DYNC2H1: variants seen among roughly 807,000 people sequenced by gnomAD.
The protein encoded by DYNC2H1 is dynein cytoplasmic 2 heavy chain 1.
DYNC2H1 carries 410 observed loss-of-function variants against 570.0 expected under a neutral mutation model. The observed-to-expected ratio is 0.72, with a 90% CI of 0.66 to 0.78. The LOEUF (loss-of-function observed/expected upper bound fraction) is 0.78, where lower values mean the gene tolerates loss of function less well. Ranked by LOEUF, DYNC2H1 falls within the 30% of genes least tolerant of loss-of-function variation. The probability of loss-of-function intolerance (pLI) is 0.00; values close to 1 mark genes in which losing one functional copy is unlikely to be tolerated. For missense variants in DYNC2H1, 4,865 were observed against 5,046.4 expected (o/e 0.96, Z 1.09); for synonymous variants, 1,688 against 1,677.6 (o/e 1.01, Z -0.15).
At chr11:103,418,408 ATAT>A (rs1404840727) in intron 84 of DYNC2H1, among the ~76,000 whole-genome samples, 2 of 152,256 alleles carry the variant, frequency 1.3e-5, no homozygotes, top group African/African-American at 2.4e-5. Context: ...AAATTTAAAA[ATAT>A]TATGTGCATT....
rs564505460 is a variant in DYNC2H1, at chr11:103,184,133, C to T, written c.6478-763C>T. 1.2e-4 allele frequency among the ~76,000 whole-genome samples: 18 copies of T among 151,936 alleles called. No individual in the cohort carries two copies. In the South Asian group the frequency reaches 2.1e-3, roughly 18 times the overall value. ...AAATGTCACCTTTTTTTAAAGAAGC[C>T]GTGAGCCCTCAATCTGAGTTACTGT... On this transcript the variant is annotated intron_variant, in intron 40 of 88. Coordinates refer to ENST00000375735, the MANE Select transcript of DYNC2H1 (RefSeq NM_001377.3).
At chr11:103,215,141 G>T (rs1257755211) in intron 54 of DYNC2H1, among the ~76,000 whole-genome samples, 2 of 152,146 alleles carry the variant, frequency 1.3e-5, no homozygotes, top group Middle Eastern at 3.4e-3. Context: ...GATGTCTTTT[G>T]TTTCTTTCTC....
chr11:103,154,371 C>T lies in DYNC2H1; in HGVS notation c.3303-80C>T, dbSNP rs375188461. On this transcript the variant is annotated intron_variant, in intron 22 of 88. Transcript: ENST00000375735. ...TGTGTGTACACACATACAAGGATTG[C>T]AGTTAAGTAACTTAATGATACTTAA... 1.2e-5 allele frequency: 15 copies of T among 1,245,566 alleles called. No homozygotes were observed. In the East Asian group the frequency reaches 3.4e-4, roughly 29 times the overall value. 77.2% of individuals were successfully genotyped at this position (1,245,566 alleles called of 1,614,324 possible). A position where few individuals can be genotyped will look rare whatever the true frequency, so the allele number is the denominator to read the frequency against.
At chr11:103,383,283 G>A (rs982812260) in intron 83 of DYNC2H1, among the ~76,000 whole-genome samples, 4 of 152,042 alleles carry the variant, frequency 2.6e-5, no homozygotes, top group Admixed American at 6.6e-5. Context: ...AACCTAATAG[G>A]ACATCATCTG....
chr11:103,352,846 T>G (rs774208331), intron 82 of DYNC2H1, among the ~76,000 whole-genome samples: 6 of 152,176 alleles, frequency 3.9e-5, no homozygotes, highest in Non-Finnish European at 5.9e-5. Flanking sequence ...GATACATGCA[T>G]GCATATATTT....
At chr11:103,196,805 T>C (rs1862523770) in intron 47 of DYNC2H1, among the ~76,000 whole-genome samples, 1 of 152,088 alleles carries the variant, frequency 6.6e-6, no homozygotes, top group Non-Finnish European at 1.5e-5. Flanking sequence ...AGATTTAGAT[T>C]TGGAGATTAT....
intron 75 of DYNC2H1, among the ~76,000 whole-genome samples, chr11:103,290,843 T>C (rs1404792579): frequency 6.6e-6 from 1 of 152,244 alleles, no homozygotes; most frequent in Non-Finnish European, 1.5e-5. Flanking sequence ...TGCTGAGTTA[T>C]GTTTTAAAGC....
At position 103,249,662 on chromosome 11, in the gene DYNC2H1, A is replaced by G. The variant is rs1864756584; in HGVS notation, c.10043-3623A>G. 6.6e-6 allele frequency among the ~76,000 whole-genome samples: 1 copy of G among 151,958 alleles called. No homozygotes were observed. Among genetic ancestry groups the G allele is most frequent in the Non-Finnish European group, 1.5e-5 (1 of 67,960 alleles). On this transcript the variant is annotated intron_variant, in intron 65 of 88. Coordinates refer to ENST00000375735, the MANE Select transcript of DYNC2H1 (RefSeq NM_001377.3). This position sits in a 1 kb window ranked among gnomAD's most constrained non-coding sequence, Gnocchi z 4.6. Reference sequence around the variant, plus strand: ...GATTCTAATAGCTTGGACTTTGTGTACTCCTGTTGAACATAAATCATTTCA... The same window carrying G: ...GATTCTAATAGCTTGGACTTTGTGTGCTCCTGTTGAACATAAATCATTTCA...
intron 25 of DYNC2H1, 104 bp from the exon 26 acceptor site, chr11:103,156,284 T>G: frequency 8.2e-7 from 1 of 1,212,862 alleles, no homozygotes. Flanking sequence ...TGCCTTATGG[T>G]GAAAAGCCAG....
chr11:103,250,018 A>C (rs1250084504), intron 65 of DYNC2H1, among the ~76,000 whole-genome samples: 1 of 152,058 alleles, frequency 6.6e-6, no homozygotes, highest in African/African-American at 2.4e-5. Flanking sequence ...CATAATGCAC[A>C]ATTTCCCATG....
intron 72 of DYNC2H1, among the ~76,000 whole-genome samples, chr11:103,282,722 A>T (rs565839067): frequency 6.5e-4 from 99 of 152,166 alleles, no homozygotes; most frequent in African/African-American, 2.2e-3. Flanking sequence ...ATATAATTTT[A>T]AAAAATGTAA....
Position 103,203,542 on chromosome 11 carries a change from A to G in DYNC2H1, c.8198-121A>G, listed in dbSNP as rs1051037982. 87 of 620,858 alleles carry G rather than the reference A, an allele frequency of 1.4e-4. No homozygotes were observed. The highest frequency in any genetic ancestry group is 1.4e-3 in the African/African-American group (73 of 53,794). 38.5% of individuals were successfully genotyped at this position (620,858 alleles called of 1,614,324 possible). On this transcript the variant is annotated intron_variant, in intron 50 of 88. Transcript: ENST00000375735. The surrounding 1 kb of genome is among the most constrained non-coding windows in gnomAD (Gnocchi z 4.7). Reference sequence around the variant, plus strand: ...AGATAAAGATTTGTGAGTCAAGTAGAGGTAATAAAGTTTGTATATTTTTGG... The same window carrying G: ...AGATAAAGATTTGTGAGTCAAGTAGGGGTAATAAAGTTTGTATATTTTTGG...
intron 70 of DYNC2H1, among the ~76,000 whole-genome samples, chr11:103,279,461 G>A (rs533828084): frequency 6.6e-6 from 1 of 152,140 alleles, no homozygotes; most frequent in South Asian, 2.1e-4. Context: ...TACATTCTTC[G>A]ACTTTGTTTC....
At chr11:103,468,729 A>G in intron 88 of DYNC2H1, 24 bp downstream of exon 88, 1 of 1,506,714 alleles carries the variant, frequency 6.6e-7, no homozygotes, top group Non-Finnish European at 9.2e-7. Flanking sequence ...AACAAGCACA[A>G]GTTTTAATTA....
intron 86 of DYNC2H1, among the ~76,000 whole-genome samples, chr11:103,455,516 A>ATG (rs1236438184): frequency 6.6e-6 from 1 of 152,182 alleles, no homozygotes; most frequent in Non-Finnish European, 1.5e-5. Context: ...AAAAAGATAA[A>ATG]ATGTAACTTT....
At chr11:103,290,799 G>GGC (rs1866563420) in intron 75 of DYNC2H1, among the ~76,000 whole-genome samples, 2 of 152,004 alleles carry the variant, frequency 1.3e-5, no homozygotes, top group Non-Finnish European at 1.5e-5. Context: ...AGTCTCAAGG[G>GGC]TTCATAATAT....
At chr11:103,327,802 G>A (rs371685404) in intron 82 of DYNC2H1, among the ~76,000 whole-genome samples, 27 of 152,274 alleles carry the variant, frequency 1.8e-4, no homozygotes, top group African/African-American at 6.0e-4. Flanking sequence ...TTGGTACTGC[G>A]AAGCTGTAGC....
intron 75 of DYNC2H1, among the ~76,000 whole-genome samples, chr11:103,291,591 TTAAGTC>T (rs996771311): frequency 6.6e-6 from 1 of 152,228 alleles, no homozygotes; most frequent in African/African-American, 2.4e-5. Flanking sequence ...ATAGTACAGA[TTAAGTC>T]TAATGTTTCT....
intron 52 of DYNC2H1, among the ~76,000 whole-genome samples, chr11:103,208,827 C>T (rs1863037526): frequency 6.6e-6 from 1 of 151,830 alleles, no homozygotes; most frequent in African/African-American, 2.4e-5. Flanking sequence ...CTTACTATGC[C>T]CATTCAACTC....
Sources: gnomAD v4.1 joint callset for allele counts (sites outside exome capture counted in the v4.1 genomes callset) on GRCh38, gnomAD v4.1.1 for gene constraint, Gnocchi (gnomAD v3.1) non-coding constraint, MANE v1.5 for transcripts, NCBI Gene and HGNC (gene_info 2026-07-23, HGNC 2026-07-21) for gene names.